SLC9D1: variants seen among roughly 807,000 people sequenced by gnomAD.
SLC9D1 encodes the protein solute carrier family 9 member D1, also known as putative LAG1-interacting protein.
chr13:113,520,635 C>G, the SLC9D1 span: 248 of 1,613,780 alleles, frequency 1.5e-4, 4 homozygotes, highest in Middle Eastern at 0.011. Context: ...ACTACAGCAC[C>G]GTGCTCCTCG....
At chr13:113,535,961 A>G in the SLC9D1 span, among the ~76,000 whole-genome samples, 3 of 152,226 alleles carry the variant, frequency 2.0e-5, no homozygotes, top group Non-Finnish European at 4.4e-5. The surrounding 1 kb of genome is among the most constrained non-coding windows in gnomAD (Gnocchi z 4.1). Context: ...CTGTGTCCGT[A>G]TCAGCACCTG....
chr13:113,526,270 G>A, the SLC9D1 span, among the ~76,000 whole-genome samples: 1 of 152,084 alleles, frequency 6.6e-6, no homozygotes. Context: ...GAATAAATAA[G>A]AAGAAAGAAA....
the SLC9D1 span, among the ~76,000 whole-genome samples, chr13:113,510,033 T>C: frequency 6.6e-6 from 1 of 152,036 alleles, no homozygotes; most frequent in Non-Finnish European, 1.5e-5. Context: ...TGTGCGTGTA[T>C]TGTGTGTGTG....
chr13:113,498,722 C>T, the SLC9D1 span: 2 of 447,792 alleles, frequency 4.5e-6, no homozygotes, highest in Non-Finnish European at 7.7e-6. Context: ...ATATTTTTAA[C>T]ACCGACAGTC....
chr13:113,540,186 C>T, the SLC9D1 span, among the ~76,000 whole-genome samples: 5 of 152,120 alleles, frequency 3.3e-5, no homozygotes, highest in East Asian at 1.9e-4. Context: ...CTGTGAATGG[C>T]GCGGTGATGA....
At chr13:113,516,546 A>G in the SLC9D1 span, among the ~76,000 whole-genome samples, 1 of 149,828 alleles carries the variant, frequency 6.7e-6, no homozygotes, top group Non-Finnish European at 1.5e-5. Context: ...AGCCTGGGCC[A>G]CAGAGTGAGA....
chr13:113,510,354 G>T, the SLC9D1 span: 103 of 1,613,984 alleles, frequency 6.4e-5, no homozygotes, highest in South Asian at 5.5e-5. Flanking sequence ...TCATTTCCAC[G>T]TGTCTGTCCT....
the SLC9D1 span, chr13:113,506,191 C>T: frequency 0.22 from 10,200 of 47,428 alleles, 531 homozygotes; most frequent in African/African-American, 0.31. Context: ...GAGCCTGTTA[C>T]GGGTGGGGAG....
the SLC9D1 span, chr13:113,498,289 G>T: frequency 7.6e-7 from 1 of 1,316,342 alleles, no homozygotes; most frequent in Non-Finnish European, 1.0e-6. Context: ...AGAAAGTCAT[G>T]TCCTAGCTTA....
the SLC9D1 span, among the ~76,000 whole-genome samples, chr13:113,508,139 GAATGTGGGGT>G: frequency 1.3e-5 from 2 of 152,256 alleles, no homozygotes; most frequent in African/African-American, 2.4e-5. Flanking sequence ...CTCCTGGCTG[GAATGTGGGGT>G]AACACAAGAT....
chr13:113,513,570 A>G, the SLC9D1 span, among the ~76,000 whole-genome samples: 3 of 152,202 alleles, frequency 2.0e-5, no homozygotes, highest in South Asian at 6.2e-4. Context: ...TTACAGTTAG[A>G]CATGTTAAAT....
the SLC9D1 span, among the ~76,000 whole-genome samples, chr13:113,494,289 T>C: frequency 2.6e-5 from 4 of 152,210 alleles, no homozygotes; most frequent in Admixed American, 6.5e-5. Context: ...GGTGATCTCC[T>C]AGTGGCCAAA....
chr13:113,540,968 G>A, the SLC9D1 span, among the ~76,000 whole-genome samples: 17 of 152,252 alleles, frequency 1.1e-4, no homozygotes, highest in Non-Finnish European at 1.8e-4. Flanking sequence ...TGTTGAGTGG[G>A]GAGTCCTTTC....
chr13:113,498,393 GCCC>G, the SLC9D1 span: 1 of 1,574,270 alleles, frequency 6.4e-7, no homozygotes, highest in Non-Finnish European at 8.6e-7. Flanking sequence ...TCAAGTTGAA[GCCC>G]TTAAAAATAT....
At chr13:113,497,739 C>T in the SLC9D1 span, among the ~76,000 whole-genome samples, 1 of 152,366 alleles carries the variant, frequency 6.6e-6, no homozygotes, top group African/African-American at 2.4e-5. Flanking sequence ...CGATGATGTT[C>T]TTCTAGGCTC....
the SLC9D1 span, among the ~76,000 whole-genome samples, chr13:113,544,042 C>T: frequency 6.6e-6 from 1 of 152,354 alleles, no homozygotes; most frequent in Middle Eastern, 3.4e-3. Flanking sequence ...GCACCTTTGC[C>T]TCTGTGCGTG....
the SLC9D1 span, among the ~76,000 whole-genome samples, chr13:113,517,263 C>G: frequency 1.3e-5 from 2 of 152,230 alleles, no homozygotes; most frequent in South Asian, 4.1e-4. Context: ...GGAGGAGTCT[C>G]GCTCTGTCGC....
chr13:113,494,970 G>A, the SLC9D1 span, among the ~76,000 whole-genome samples: 7 of 152,138 alleles, frequency 4.6e-5, no homozygotes, highest in East Asian at 3.9e-4. Context: ...TGCAACGTCC[G>A]CCTCCCGGGT....
At chr13:113,517,326 G>A in the SLC9D1 span, among the ~76,000 whole-genome samples, 2 of 152,056 alleles carry the variant, frequency 1.3e-5, no homozygotes, top group African/African-American at 2.4e-5. Context: ...TCCACCTCCC[G>A]GGTTCACGCC....
Sources: allele counts gnomAD v4.1 joint callset (sites outside exome capture counted in the v4.1 genomes callset), GRCh38; gene constraint gnomAD v4.1.1; non-coding constraint Gnocchi (gnomAD v3.1); transcripts MANE v1.5; gene names NCBI Gene and HGNC (gene_info 2026-07-23, HGNC 2026-07-21).